The following DOCK7 variants were observed in gnomAD, a reference collection of about 807,000 sequenced individuals.
DOCK7 encodes dedicator of cytokinesis 7, also known as dedicator of cytokinesis protein 7.
A neutral mutation model predicts 271.0 loss-of-function variants in DOCK7; 138 were observed. The observed-to-expected ratio is 0.51, with a 90% confidence interval of 0.44 to 0.59. DOCK7 has a LOEUF of 0.59. Ranked by LOEUF, DOCK7 falls within the 20% of genes least tolerant of loss-of-function variation. DOCK7 has a pLI of 0.00. For synonymous variants in DOCK7, 823 were observed against 876.1 expected (o/e 0.94, Z 1.07); for missense variants, 2,066 against 2,592.4 (o/e 0.80, Z 4.41).
intron 47 of DOCK7, among the ~76,000 whole-genome samples, chr1:62,474,733 A>G (rs1249496532): frequency 6.6e-6 from 1 of 152,250 alleles, no homozygotes; most frequent in African/African-American, 2.4e-5. Context: ...GACTGGGGCC[A>G]TGCCTAAAAT....
chr1:62,516,643 C>T (rs994504874), intron 31 of DOCK7, among the ~76,000 whole-genome samples: 6 of 152,148 alleles, frequency 3.9e-5, no homozygotes, highest in African/African-American at 1.4e-4. Context: ...CAGAGCTTCA[C>T]GATTACTCTC....
chr1:62,552,644 A>T, intron 22 of DOCK7, 88 bp downstream of exon 22: 1 of 1,317,790 alleles, frequency 7.6e-7, no homozygotes, highest in Non-Finnish European at 1.0e-6. Context: ...CATACATCTC[A>T]AAATTCAGAA....
intron 39 of DOCK7, chr1:62,495,318 G>A (rs2149301108): frequency 4.5e-6 from 1 of 223,074 alleles, no homozygotes; most frequent in South Asian, 1.7e-4. Context: ...AAGGCCAGGT[G>A]CGGTGGCTCA....
At chr1:62,541,762 G>C (rs896884014) in intron 25 of DOCK7, among the ~76,000 whole-genome samples, 2 of 152,064 alleles carry the variant, frequency 1.3e-5, no homozygotes, top group African/African-American at 4.8e-5. Context: ...TGGGGGAGTC[G>C]GTTCCCCTAA....
At chr1:62,599,554 C>A (rs920454793) in intron 14 of DOCK7, among the ~76,000 whole-genome samples, 4 of 152,036 alleles carry the variant, frequency 2.6e-5, no homozygotes, top group Admixed American at 6.6e-5. Flanking sequence ...TTTATCTCTT[C>A]TATTCCTGCA....
chr1:62,500,971 G>C (rs959138789), intron 37 of DOCK7, among the ~76,000 whole-genome samples: 6 of 152,052 alleles, frequency 3.9e-5, no homozygotes, highest in South Asian at 2.1e-4. Context: ...CAGGAGTTCT[G>C]GGCTACAGTG....
At chr1:62,595,253 G>GGGT in intron 14 of DOCK7, among the ~76,000 whole-genome samples, 1 of 152,202 alleles carries the variant, frequency 6.6e-6, no homozygotes, top group Middle Eastern at 3.4e-3. Context: ...ACTATAGTAT[G>GGGT]GGTACAAATG....
chr1:62,532,154 C>A (rs1329825966), intron 29 of DOCK7, among the ~76,000 whole-genome samples: 2 of 152,172 alleles, frequency 1.3e-5, no homozygotes, highest in African/African-American at 4.8e-5. Context: ...CATGCCTCAG[C>A]CTCCCGAGTA....
Position 62,601,033 on chromosome 1 carries a change from TTG to T in DOCK7, c.1683-14411_1683-14410del, listed in dbSNP as rs72649577. On this transcript the variant is annotated intron_variant, in intron 14 of 49. Transcript: ENST00000635253. ...ACATCCTTACTCAGATTTCCCCTAA[TTG>T]TATATTCAGTATCATTTTAAAAAAC... The T allele has an allele frequency of 0.03, 32,523 of 1,073,510 alleles. 618 individuals are homozygous for T. Among genetic ancestry groups the T allele is most frequent in the Non-Finnish European group, 0.034 (23,796 of 690,810 alleles). The allele number at this position is 1,073,510 out of a possible 1,614,324, so 66.5% of individuals were successfully genotyped here. A position where few individuals can be genotyped will look rare whatever the true frequency, so the allele number is the denominator to read the frequency against.
chr1:62,559,046 G>A lies in DOCK7; in HGVS notation c.2374C>T (p.Leu792=). 6.2e-7 allele frequency: 1 copy of A among 1,613,784 alleles called. No homozygotes were observed. The highest frequency in any genetic ancestry group is 8.5e-7 in the Non-Finnish European group (1 of 1,179,876). ...LEPVVRFLHL[L]LDKLILLVIR... is the part of the protein sequence containing the mutation. ...ACTAAAAGTATCAGTTTATCTAGCA[G>A]AAGATGAAGAAATCGGACCACTGGT... Residue 792 remains leucine (L), a synonymous_variant, in exon 20 of 50, where the codon CTG becomes TTG. Transcript: ENST00000635253.
At position 62,476,064 on chromosome 1, in the gene DOCK7, T is replaced by C; in HGVS notation, c.5724+3A>G. On this transcript the variant is annotated splice_donor_region_variant and intron_variant, in intron 45 of 49. Coordinates refer to ENST00000635253, the MANE Select transcript of DOCK7 (RefSeq NM_001367561.1). ...TATGTCATTATAGTCGAATCAACTATACCTTGTTAGGATCTAATTTACACT... is the reference window on the plus strand; with the variant it reads ...TATGTCATTATAGTCGAATCAACTACACCTTGTTAGGATCTAATTTACACT... 1 of 1,611,008 alleles carries C rather than the reference T, an allele frequency of 6.2e-7. No homozygotes were observed. The highest frequency in any genetic ancestry group is 1.1e-5 in the South Asian group (1 of 90,816).
At chr1:62,586,816 T>C (rs981318574) in intron 14 of DOCK7, among the ~76,000 whole-genome samples, 192 bp from the exon 15 acceptor site, 3 of 152,150 alleles carry the variant, frequency 2.0e-5, no homozygotes, top group Non-Finnish European at 2.9e-5. Flanking sequence ...CAATAAAACA[T>C]GTCCCAATTT....
chr1:62,520,973 A>G (rs958981405), intron 31 of DOCK7, among the ~76,000 whole-genome samples: 7 of 152,102 alleles, frequency 4.6e-5, no homozygotes, highest in African/African-American at 1.4e-4. Context: ...GAAGCTGGAA[A>G]CCATCATTCT....
intron 36 of DOCK7, among the ~76,000 whole-genome samples, chr1:62,505,405 T>C (rs778927748): frequency 1.3e-4 from 20 of 152,184 alleles, no homozygotes; most frequent in Non-Finnish European, 2.4e-4. Flanking sequence ...ATATTTAAGA[T>C]TGGCTATTAA....
At chr1:62,570,953 T>C (rs964802502) in intron 18 of DOCK7, among the ~76,000 whole-genome samples, 11 of 152,070 alleles carry the variant, frequency 7.2e-5, no homozygotes, top group Admixed American at 2.0e-4. Context: ...ATACAAACCC[T>C]AGAAGAAAAT....
chr1:62,598,083 T>C, intron 14 of DOCK7: 1 of 1,558,660 alleles, frequency 6.4e-7, no homozygotes, highest in Non-Finnish European at 8.6e-7. Context: ...ATAAAGAGGG[T>C]TCATGTTTAT....
At chr1:62,556,858 C>T (rs2149434920) in intron 20 of DOCK7, among the ~76,000 whole-genome samples, 1 of 152,084 alleles carries the variant, frequency 6.6e-6, no homozygotes, top group East Asian at 1.9e-4. Context: ...GGGAAAGAGA[C>T]CAGAGACAGA....
rs142615171 is a variant in DOCK7 at position 62,561,058 on chromosome 1, G to T, written c.2199+559C>A. ...GCAACAGAGAAGCTGGGCGTAGGCA[G>T]TAATAAGTGCAGGGTAAGATGACAT... On this transcript the variant is annotated intron_variant, in intron 19 of 49. Coordinates refer to ENST00000635253, the MANE Select transcript of DOCK7 (RefSeq NM_001367561.1). Among the ~76,000 whole-genome samples, 126 of 152,296 alleles carry T rather than the reference G, an allele frequency of 8.3e-4. 1 individual carries two copies. The highest frequency in any genetic ancestry group is 2.7e-3 in the African/African-American group (111 of 41,566).
intron 1 of DOCK7, among the ~76,000 whole-genome samples, chr1:62,684,101 G>A (rs1016204401): frequency 1.3e-4 from 19 of 151,962 alleles, no homozygotes; most frequent in African/African-American, 4.1e-4. Flanking sequence ...TTAGCTGGGC[G>A]TGGTGACGAG....
Sources: allele counts gnomAD v4.1 joint callset (sites outside exome capture counted in the v4.1 genomes callset), GRCh38; gene constraint gnomAD v4.1.1; transcripts MANE v1.5; gene names NCBI Gene and HGNC (gene_info 2026-07-23, HGNC 2026-07-21).